The following ATG4C variants were observed in gnomAD, a reference collection of about 807,000 sequenced individuals.
ATG4C encodes cysteine protease ATG4C.
ATG4C carries 56 observed loss-of-function variants against 57.6 expected under a neutral mutation model. The observed-to-expected ratio is 0.97, with a 90% CI of 0.78 to 1.21. ATG4C has a LOEUF of 1.21. Ranked by LOEUF, ATG4C falls within the 50% of genes most tolerant of loss-of-function variation. ATG4C has a pLI of 0.00. For missense variants in ATG4C, 595 were observed against 529.8 expected, an observed-to-expected ratio of 1.12 and a Z score of -1.21; for synonymous variants, 157 against 174.1, an observed-to-expected ratio of 0.90 and a Z score of 0.78.
In ATG4C at chr1:62,841,485, A is replaced by T. The variant is rs527897688; in HGVS notation, c.1147A>T (p.Thr383Ser). ...MSFRKMDPSC[T>S]IGFYCRNVQD... Reference sequence around the variant, plus strand: ...TTTTCGAAAAATGGATCCCAGCTGTACAATAGGATTTTACTGTCGAAATGT... The same window carrying T: ...TTTTCGAAAAATGGATCCCAGCTGTTCAATAGGATTTTACTGTCGAAATGT... The change falls in exon 10 of 11, where the codon ACA (threonine) becomes TCA (serine). Residue 383 changes from threonine (T) to serine (S), a missense_variant. Thr to Ser is a moderately conservative substitution (Grantham distance 58, BLOSUM62 1). Transcript: ENST00000317868. The T allele has an allele frequency of 2.5e-6, 4 of 1,607,562 alleles. No individual in the cohort carries two copies. Among genetic ancestry groups the T allele is most frequent in the Non-Finnish European group, 2.6e-6 (3 of 1,176,352 alleles).
intron 10 of ATG4C, among the ~76,000 whole-genome samples, chr1:62,855,783 A>G (rs1213635330): frequency 6.6e-6 from 1 of 152,226 alleles, no homozygotes; most frequent in Non-Finnish European, 1.5e-5. Flanking sequence ...AAAGGCCACA[A>G]CTAATAAACG....
In ATG4C at chr1:62,805,150, TTC is replaced by T; in HGVS notation, c.77-20_77-19del. The T allele has an allele frequency of 6.6e-7, 1 of 1,517,792 alleles. No homozygotes were observed. Among genetic ancestry groups the T allele is most frequent in the Non-Finnish European group, 8.7e-7 (1 of 1,147,228 alleles). 94.0% of individuals were successfully genotyped at this position (1,517,792 alleles called of 1,614,324 possible). ...TCTTTTAATTACAAAACGTTTTCTT[TTC>T]TTTTTTTTTTTTTTGCTAGGTTGGG... On this transcript the variant is annotated intron_variant, in intron 2 of 10. Coordinates refer to ENST00000317868, the MANE Select transcript of ATG4C (RefSeq NM_032852.4).
At chr1:62,792,049 G>C (rs532181653) in intron 1 of ATG4C, among the ~76,000 whole-genome samples, 1 of 151,768 alleles carries the variant, frequency 6.6e-6, no homozygotes, top group African/African-American at 2.4e-5. Context: ...TCAGGCTGTC[G>C]TACAGTGGCA....
At chr1:62,817,407 G>A (rs1239142840) in intron 4 of ATG4C, among the ~76,000 whole-genome samples, 1 of 152,156 alleles carries the variant, frequency 6.6e-6, no homozygotes, top group African/African-American at 2.4e-5. Flanking sequence ...GTGCAGTGAT[G>A]TAATCATAGC....
At chr1:62,828,670 T>G (rs1309508369) in intron 6 of ATG4C, among the ~76,000 whole-genome samples, 1 of 152,234 alleles carries the variant, frequency 6.6e-6, no homozygotes, top group Non-Finnish European at 1.5e-5. Flanking sequence ...ATCCCATTTG[T>G]CAATTTTCGC....
At chr1:62,790,490 A>G (rs1229452417) in intron 1 of ATG4C, among the ~76,000 whole-genome samples, 1 of 152,236 alleles carries the variant, frequency 6.6e-6, no homozygotes, top group East Asian at 1.9e-4. Flanking sequence ...CTTAGAATAT[A>G]TCCCACTAAA....
intron 8 of ATG4C, among the ~76,000 whole-genome samples, 179 bp from the exon 9 acceptor site, chr1:62,834,597 T>TATTTGATATGCAA: frequency 6.6e-6 from 1 of 152,078 alleles, no homozygotes; most frequent in Admixed American, 6.6e-5. Context: ...TATACAAGCA[T>TATTTGATATGCAA]ATTTGATTAT....
At chr1:62,797,822 CCTTTT>C (rs1452634683) in intron 1 of ATG4C, among the ~76,000 whole-genome samples, 5 of 151,774 alleles carry the variant, frequency 3.3e-5, no homozygotes, top group African/African-American at 1.2e-4. Flanking sequence ...CTTAGAAAAA[CCTTTT>C]CTTTTTTTTT....
intron 10 of ATG4C, 43 bp from the exon 11 acceptor site, chr1:62,863,949 C>T: frequency 7.2e-7 from 1 of 1,396,830 alleles, no homozygotes; most frequent in Non-Finnish European, 9.8e-7. Flanking sequence ...TTAGTGTGCA[C>T]TATTGCATCC....
At chr1:62,809,731 T>G (rs930012389) in intron 3 of ATG4C, among the ~76,000 whole-genome samples, 1 of 151,176 alleles carries the variant, frequency 6.6e-6, no homozygotes, top group South Asian at 2.1e-4. Flanking sequence ...GCAATGAATA[T>G]GAAAAACTTG....
At position 62,785,350 on chromosome 1, in the gene ATG4C, A is replaced by G. The variant is rs529383933; in HGVS notation, c.-69+1077A>G. On this transcript the variant is annotated intron_variant, in intron 1 of 10. Coordinates refer to ENST00000317868, the MANE Select transcript of ATG4C (RefSeq NM_032852.4). ...CTATTTAGTCCAATAATCTGAGGCTATATTGAATTACCAGTTCATTCGCTA... is the reference window on the plus strand; with the variant it reads ...CTATTTAGTCCAATAATCTGAGGCTGTATTGAATTACCAGTTCATTCGCTA... 7 of 152,376 alleles carry G rather than the reference A, an allele frequency of 4.6e-5. No individual in the cohort carries two copies. The East Asian group carries it at 1.3e-3, about 29-fold the overall frequency. 9.4% of individuals were successfully genotyped at this position (152,376 alleles called of 1,614,324 possible). A position where few individuals can be genotyped will look rare whatever the true frequency, so the allele number is the denominator to read the frequency against.
intron 10 of ATG4C, among the ~76,000 whole-genome samples, chr1:62,852,654 T>A (rs1374662697): frequency 1.3e-5 from 2 of 152,202 alleles, no homozygotes; most frequent in Non-Finnish European, 2.9e-5. Context: ...AATCACATAA[T>A]GTGCTATGAT....
chr1:62,835,795 T>C (rs561165349), intron 9 of ATG4C, among the ~76,000 whole-genome samples: 20 of 152,186 alleles, frequency 1.3e-4, no homozygotes, highest in Admixed American at 9.2e-4. Flanking sequence ...TCTTTCATAG[T>C]ATCTTGCACC....
chr1:62,802,598 AAAAC>A (rs563964148), intron 1 of ATG4C, among the ~76,000 whole-genome samples: 133 of 152,304 alleles, frequency 8.7e-4, no homozygotes, highest in Non-Finnish European at 1.5e-3. Context: ...CTATTGAAGT[AAAAC>A]AAACAAACCT....
intron 10 of ATG4C, among the ~76,000 whole-genome samples, chr1:62,861,583 A>G: frequency 1.7e-5 from 1 of 59,642 alleles, no homozygotes; most frequent in Non-Finnish European, 3.2e-5. Context: ...TAGAACACAC[A>G]CACACACACA....
rs1666935828 is a variant in ATG4C at position 62,864,135 on chromosome 1, C to T, written c.1353C>T (p.Ser451=). 2 of 1,603,556 alleles carry T rather than the reference C, an allele frequency of 1.2e-6. No individual in the cohort carries two copies. Among genetic ancestry groups the T allele is most frequent in the East Asian group, 4.5e-5 (2 of 44,504 alleles). The change falls in exon 11 of 11, where the codon AGC becomes AGT. Residue 451 remains serine, a synonymous_variant. Coordinates refer to ENST00000317868, the MANE Select transcript of ATG4C (RefSeq NM_032852.4). The part of the protein sequence containing the change: ...EDEKKQLKRF[S]TEEFVLL ...AAAAGAAACAATTAAAAAGATTTAG[C>T]ACGGAAGAGTTTGTCTTGCTTTAAA...
At chr1:62,844,383 G>C in intron 10 of ATG4C, among the ~76,000 whole-genome samples, 1 of 152,146 alleles carries the variant, frequency 6.6e-6, no homozygotes, top group Middle Eastern at 3.4e-3. Flanking sequence ...AGGCTATTTA[G>C]GTTAAAAATG....
At chr1:62,837,026 C>A (rs994117368) in intron 9 of ATG4C, among the ~76,000 whole-genome samples, 1 of 151,994 alleles carries the variant, frequency 6.6e-6, no homozygotes, top group Non-Finnish European at 1.5e-5. Context: ...CAGAGTAACT[C>A]ATTTCTTTCT....
chr1:62,800,438 G>A (rs771930010), intron 1 of ATG4C, among the ~76,000 whole-genome samples: 1 of 151,586 alleles, frequency 6.6e-6, no homozygotes, highest in Non-Finnish European at 1.5e-5. Flanking sequence ...TTCCCCCTTC[G>A]CTGTCCCTGC....
Sources: allele counts gnomAD v4.1 joint callset (sites outside exome capture counted in the v4.1 genomes callset), GRCh38; gene constraint gnomAD v4.1.1; transcripts MANE v1.5; gene names NCBI Gene and HGNC (gene_info 2026-07-23, HGNC 2026-07-21).